Variants in GCNT2 observed in about 807,000 individuals in gnomAD.
GCNT2 encodes glucosaminyl (N-acetyl) transferase 2 (I blood group).
A neutral mutation model predicts 34.2 loss-of-function variants in GCNT2; 34 were observed. The ratio of observed to expected loss-of-function variants is 1.00; its 90% CI spans 0.76 to 1.32. GCNT2 has a LOEUF of 1.32. Among genes scored for constraint, GCNT2 ranks in the 40% most tolerant of loss-of-function variants. GCNT2 has a pLI of 0.00. For synonymous variants in GCNT2, 212 were observed against 188.0 expected, an observed-to-expected ratio of 1.13 and a Z score of -1.04; for missense variants, 584 against 489.4, an observed-to-expected ratio of 1.19 and a Z score of -1.82.
intron 3 of GCNT2, among the ~76,000 whole-genome samples, chr6:10,594,541 G>A (rs1424050510): frequency 6.6e-6 from 1 of 152,070 alleles, no homozygotes; most frequent in Non-Finnish European, 1.5e-5. Context: ...TCTTCATTTT[G>A]TAGTCACAAT....
At chr6:10,592,595 G>A (rs1178172774) in intron 3 of GCNT2, among the ~76,000 whole-genome samples, 4 of 152,168 alleles carry the variant, frequency 2.6e-5, no homozygotes, top group African/African-American at 9.7e-5. Context: ...GACGTTTCCA[G>A]CCACTGGCTC....
rs17577022 is a variant in GCNT2, at chr6:10,599,497, A to G, written c.926-21854A>G. On this transcript the variant is annotated intron_variant, in intron 3 of 4. Coordinates refer to ENST00000495262, the MANE Select transcript of GCNT2 (RefSeq NM_145649.5). ...CCCATCTCCCTATCAGCTTCCATCT[A>G]TTGTATCCCAGCGGAGGTAAGAGCA... Among the ~76,000 whole-genome samples the G allele has an allele frequency of 6.0e-3, 916 of 152,238 alleles. 7 individuals carry two copies. The highest frequency in any genetic ancestry group is 8.6e-3 in the Non-Finnish European group (587 of 67,990).
intron 3 of GCNT2, chr6:10,581,986 A>AAGTG: frequency 7.1e-6 from 2 of 280,448 alleles, no homozygotes; most frequent in Non-Finnish European, 1.1e-5. Context: ...ACACACTTAT[A>AAGTG]TGTATATATA....
chr6:10,624,211 T>C (rs1439506362), intron 4 of GCNT2, among the ~76,000 whole-genome samples: 1 of 152,174 alleles, frequency 6.6e-6, no homozygotes, highest in Admixed American at 6.5e-5. Context: ...TCCCAAGGTG[T>C]ATTAGTCCGT....
intron 3 of GCNT2, chr6:10,556,307 A>T: frequency 6.4e-7 from 1 of 1,557,394 alleles, no homozygotes; most frequent in East Asian, 2.3e-5. Context: ...CAGCGTCTCC[A>T]ACAGGGCAGG....
At chr6:10,581,423 A>C (rs988291674) in intron 3 of GCNT2, among the ~76,000 whole-genome samples, 4 of 151,994 alleles carry the variant, frequency 2.6e-5, no homozygotes, top group African/African-American at 9.7e-5. Flanking sequence ...GGCATGCACC[A>C]CCCCACCTGG....
At chr6:10,523,142 A>T (rs539664) in intron 1 of GCNT2, among the ~76,000 whole-genome samples, 12,440 of 152,242 alleles carry the variant, frequency 0.082, 592 homozygotes, top group Middle Eastern at 0.13. Context: ...GCTTTCAGCC[A>T]GGCGCGGTGT....
rs1406631317 is a variant in GCNT2 at position 10,628,011 on chromosome 6, A to G, written c.*1404A>G. On this transcript the variant is annotated 3_prime_UTR_variant, in exon 5 of 5. Coordinates refer to ENST00000495262, the MANE Select transcript of GCNT2 (RefSeq NM_145649.5). ...ATTACTCCCATTTTGCAGATGAAGT[A>G]ACTGAGGCTTAGAAAGGTTAATAGC... The G allele has an allele frequency of 6.6e-6, 1 of 152,630 alleles. No homozygotes were observed. The highest frequency in any genetic ancestry group is 1.5e-5 in the Non-Finnish European group (1 of 68,032). 9.5% of individuals were successfully genotyped at this position (152,630 alleles called of 1,614,324 possible).
intron 3 of GCNT2, among the ~76,000 whole-genome samples, chr6:10,553,778 C>T (rs991320356): frequency 6.6e-6 from 1 of 152,194 alleles, no homozygotes; most frequent in African/African-American, 2.4e-5. Context: ...CCTGTAATCC[C>T]AGCTACTTGT....
chr6:10,605,372 CTTT>C (rs77371971), intron 3 of GCNT2, among the ~76,000 whole-genome samples: 1 of 142,754 alleles, frequency 7.0e-6, no homozygotes, highest in Non-Finnish European at 1.5e-5. Flanking sequence ...CCACGCCTGG[CTTT>C]TTTTTTTTTT....
At chr6:10,553,122 A>G (rs1762552039) in intron 3 of GCNT2, among the ~76,000 whole-genome samples, 2 of 152,222 alleles carry the variant, frequency 1.3e-5, no homozygotes, top group East Asian at 1.9e-4. Flanking sequence ...TTGACAATAG[A>G]CAAACAAGTC....
intron 3 of GCNT2, among the ~76,000 whole-genome samples, chr6:10,598,116 G>T (rs1431760943): frequency 6.6e-6 from 1 of 152,170 alleles, no homozygotes; most frequent in Non-Finnish European, 1.5e-5. Flanking sequence ...TCTCCGAAGA[G>T]ATTCCTGTAT....
In GCNT2 at chr6:10,585,747, A is replaced by G. The variant is rs111240453; in HGVS notation, c.926-35604A>G. 14,043 of 1,401,012 alleles carry G rather than the reference A, an allele frequency of 0.01. 1,074 individuals carry two copies. In the African/African-American group the frequency reaches 0.17, roughly 17 times the overall value. 86.8% of individuals were successfully genotyped at this position (1,401,012 alleles called of 1,614,324 possible). ...AGCCTTTGCAAACAGCAGGGATTCA[A>G]CCCTGGGGAACTGCAGACCAAAGTG... On this transcript the variant is annotated intron_variant, in intron 3 of 4. Transcript: ENST00000495262.
chr6:10,572,451 C>T (rs1164540489), intron 3 of GCNT2, among the ~76,000 whole-genome samples: 1 of 152,120 alleles, frequency 6.6e-6, no homozygotes, highest in African/African-American at 2.4e-5. Flanking sequence ...AGGCCGGGCG[C>T]TGTGGCTCAC....
intron 3 of GCNT2, chr6:10,556,569 C>A (rs775351232): frequency 6.2e-7 from 1 of 1,614,128 alleles, no homozygotes; most frequent in Non-Finnish European, 8.5e-7. Context: ...CAAGTTTGCA[C>A]ATCTTTTATC....
At chr6:10,567,768 G>C (rs546766574) in intron 3 of GCNT2, among the ~76,000 whole-genome samples, 1 of 152,282 alleles carries the variant, frequency 6.6e-6, no homozygotes, top group East Asian at 1.9e-4. Flanking sequence ...GGCAGATAGG[G>C]TTAAAAGTGC....
intron 3 of GCNT2, among the ~76,000 whole-genome samples, chr6:10,552,301 A>T (rs1400380850): frequency 1.1e-5 from 1 of 93,384 alleles, no homozygotes; most frequent in African/African-American, 6.5e-5. Flanking sequence ...TTATCATGTT[A>T]AAAAAAAAAA....
chr6:10,540,362 C>CT (rs1217711966), intron 3 of GCNT2, among the ~76,000 whole-genome samples: 1 of 141,942 alleles, frequency 7.0e-6, no homozygotes, highest in African/African-American at 2.9e-5. Context: ...CTGGAATACT[C>CT]TTTATCTTTG....
intron 3 of GCNT2, chr6:10,586,252 T>C: frequency 2.5e-6 from 4 of 1,614,222 alleles, no homozygotes; most frequent in Non-Finnish European, 3.4e-6. Flanking sequence ...ACAAGTCCCC[T>C]GTCGGAAGAA....
Sources: allele counts gnomAD v4.1 joint callset (sites outside exome capture counted in the v4.1 genomes callset), GRCh38; gene constraint gnomAD v4.1.1; transcripts MANE v1.5; gene names NCBI Gene and HGNC (gene_info 2026-07-23, HGNC 2026-07-21).